The following CLIP4 variants were observed in gnomAD, a reference collection of about 807,000 sequenced individuals.
CLIP4 encodes the protein CAP-Gly domain-containing linker protein 4.
Under a neutral mutation model 73.1 loss-of-function variants are expected in CLIP4, and 47 were observed. The observed-to-expected ratio is 0.64, with a 90% confidence interval of 0.51 to 0.82. The LOEUF (loss-of-function observed/expected upper bound fraction) is 0.82. CLIP4 is among the 40% of genes least tolerant of loss of function. The probability of loss-of-function intolerance (pLI) is 0.00; values close to 1 mark genes in which losing one functional copy is unlikely to be tolerated. For synonymous variants in CLIP4, 306 were observed against 295.4 expected (o/e 1.04, Z -0.37); for missense variants, 874 against 852.9 (o/e 1.02, Z -0.31).
intron 2 of CLIP4, among the ~76,000 whole-genome samples, chr2:29,127,640 G>C (rs1037848243): frequency 6.6e-6 from 1 of 152,052 alleles, no homozygotes; most frequent in Non-Finnish European, 1.5e-5. Context: ...GCAGCCTCAT[G>C]AATCCATTGG....
chr2:29,141,105 A>C (rs1244179225), intron 6 of CLIP4, among the ~76,000 whole-genome samples: 1 of 152,042 alleles, frequency 6.6e-6, no homozygotes, highest in Non-Finnish European at 1.5e-5. Context: ...ATTCTGGAGC[A>C]AGTTTTCTAG....
chr2:29,116,415 G>A (rs760135338), intron 1 of CLIP4, among the ~76,000 whole-genome samples: 1 of 152,188 alleles, frequency 6.6e-6, no homozygotes, highest in African/African-American at 2.4e-5. Context: ...CGTTCATATT[G>A]TAGCACCATC....
At chr2:29,129,082 T>C (rs1387349481) in intron 2 of CLIP4, among the ~76,000 whole-genome samples, 1 of 152,166 alleles carries the variant, frequency 6.6e-6, no homozygotes, top group Non-Finnish European at 1.5e-5. Context: ...CTTACGAAAA[T>C]TTCATGAGAC....
At chr2:29,142,399 A>T (rs949703046) in intron 6 of CLIP4, among the ~76,000 whole-genome samples, 1 of 152,144 alleles carries the variant, frequency 6.6e-6, no homozygotes, top group Non-Finnish European at 1.5e-5. Context: ...GATATAACAA[A>T]AGTCCAAAGT....
intron 2 of CLIP4, chr2:29,131,007 G>C (rs576013748): frequency 3.0e-6 from 3 of 995,850 alleles, no homozygotes; most frequent in Non-Finnish European, 4.0e-6. Flanking sequence ...GTATTATTTA[G>C]TCTGAGCTTT....
chr2:29,174,758 C>CATTA, intron 15 of CLIP4: 5 of 764,160 alleles, frequency 6.5e-6, no homozygotes, highest in Non-Finnish European at 8.1e-6. Context: ...TTTAAACTCT[C>CATTA]CTTAAGTAAT....
chr2:29,149,718 C>T (rs1666418018), intron 8 of CLIP4, among the ~76,000 whole-genome samples: 1 of 93,630 alleles, frequency 1.1e-5, no homozygotes, highest in Admixed American at 1.4e-4. Context: ...CTCTGAAATG[C>T]TTTGGCTAAT....
Position 29,116,392 on chromosome 2 carries a change from A to C in CLIP4, c.-16+727A>C, listed in dbSNP as rs180834422. ...GGACAATAACTTGCTGTATGTTCTG[A>C]GATACTAGACTGCGTTCATATTGTA... On this transcript the variant is annotated intron_variant, in intron 1 of 15. Transcript: ENST00000320081. Among the ~76,000 whole-genome samples, 27 of 152,352 alleles carry C rather than the reference A, an allele frequency of 1.8e-4. No homozygotes were observed. The East Asian group carries it at 5.2e-3, about 29-fold the overall frequency.
chr2:29,101,476 G>C (rs1023742038), intron 1 of CLIP4, among the ~76,000 whole-genome samples: 7 of 152,036 alleles, frequency 4.6e-5, no homozygotes, highest in African/African-American at 1.4e-4. Flanking sequence ...GGGAATGATG[G>C]AGCCCAGAAA....
Position 29,164,223 on chromosome 2 carries a change from T to A in CLIP4, c.1658+269T>A, listed in dbSNP as rs114046458. On this transcript the variant is annotated intron_variant, in intron 13 of 15. Coordinates refer to ENST00000320081, the MANE Select transcript of CLIP4 (RefSeq NM_024692.6). Reference sequence around the variant, plus strand: ...ATTAGAAGTGGCGTTTGCAGCTAAGTACAGTGAGAGCAGCAAGCTTAATCT... The same window carrying A: ...ATTAGAAGTGGCGTTTGCAGCTAAGAACAGTGAGAGCAGCAAGCTTAATCT... 6.4e-3 allele frequency among the ~76,000 whole-genome samples: 972 copies of A among 152,304 alleles called. 12 individuals are homozygous for A. Among genetic ancestry groups the A allele is most frequent in the African/African-American group, 0.022 (917 of 41,564 alleles).
intron 1 of CLIP4, among the ~76,000 whole-genome samples, chr2:29,117,221 C>T (rs142178728): frequency 5.9e-5 from 9 of 152,302 alleles, no homozygotes; most frequent in African/African-American, 2.2e-4. Context: ...TTTTGCATTA[C>T]CCAATATGGT....
chr2:29,168,512 CTTTTTTTTTTTTTTT>C (rs35201336), intron 14 of CLIP4, among the ~76,000 whole-genome samples: 2 of 66,760 alleles, frequency 3.0e-5, no homozygotes, highest in African/African-American at 1.3e-4. Context: ...ATGGTTTGCC[CTTTTTTTTTTTTTTT>C]TTTTTTTTTT....
chr2:29,149,883 A>G (rs1296498295), intron 8 of CLIP4, among the ~76,000 whole-genome samples: 1 of 152,190 alleles, frequency 6.6e-6, no homozygotes, highest in East Asian at 1.9e-4. Context: ...TAGAAAATAT[A>G]TTTATTATTG....
At chr2:29,103,889 T>C (rs573888421) in intron 1 of CLIP4, among the ~76,000 whole-genome samples, 2 of 152,006 alleles carry the variant, frequency 1.3e-5, no homozygotes, top group Non-Finnish European at 2.9e-5. Context: ...AATTTTTTTT[T>C]TATTTTTAGT....
Position 29,160,424 on chromosome 2 carries a change from A to T in CLIP4, c.1491A>T (p.Arg497Ser). 6 of 1,614,168 alleles carry T rather than the reference A, an allele frequency of 3.7e-6. No homozygotes were observed. The highest frequency in any genetic ancestry group is 5.1e-6 in the Non-Finnish European group (6 of 1,180,016). The change falls in exon 12 of 16, where the codon AGA (arginine) becomes AGT (serine). Residue 497 changes from arginine to serine, a missense_variant. Coordinates refer to ENST00000320081, the MANE Select transcript of CLIP4 (RefSeq NM_024692.6). ...AGAGAGTGTTAGTGGTAGGACAGAG[A>T]CTGGGCACCATTAGGTTCTTTGGGA... ...LGERVLVVGQ[R>S]LGTIRFFGTT... is the part of the protein sequence containing the mutation.
chr2:29,099,777 G>T (rs1438105736), intron 1 of CLIP4, among the ~76,000 whole-genome samples: 1 of 152,166 alleles, frequency 6.6e-6, no homozygotes, highest in Non-Finnish European at 1.5e-5. Flanking sequence ...TACAGATCAC[G>T]CTGGGAAGAA....
chr2:29,143,582 CA>C, intron 6 of CLIP4, 126 bp from the exon 7 acceptor site: 2 of 697,800 alleles, frequency 2.9e-6, no homozygotes, highest in Non-Finnish European at 5.0e-6. Context: ...TGTAGGCGTT[CA>C]GGAAATGTTT....
chr2:29,111,009 T>C (rs1396049992), upstream of CLIP4, among the ~76,000 whole-genome samples: 1 of 152,144 alleles, frequency 6.6e-6, no homozygotes, highest in Non-Finnish European at 1.5e-5. Context: ...ATAGACTGAA[T>C]AAGGTCACCT....
chr2:29,149,410 C>CTT lies in CLIP4; in HGVS notation c.1022-3262_1022-3261dup, dbSNP rs71403647. Among the ~76,000 whole-genome samples, 794 of 138,254 alleles carry CTT rather than the reference C, an allele frequency of 5.7e-3. 4 individuals are homozygous for CTT. Among genetic ancestry groups the CTT allele is most frequent in the African/African-American group, 0.017 (640 of 37,428 alleles). The allele number at this position is 138,254 out of a possible 152,430, so 90.7% of individuals were successfully genotyped here. A position where few individuals can be genotyped will look rare whatever the true frequency, so the allele number is the denominator to read the frequency against. ...AGCGTTTAGTATTTTTTCTCCTTTTCTTTTTTTTTTTTTTCTTTAGAGTTC... is the reference window on the plus strand; with the variant it reads ...AGCGTTTAGTATTTTTTCTCCTTTTCTTTTTTTTTTTTTTTTCTTTAGAGTTC... On this transcript the variant is annotated intron_variant, in intron 8 of 15. Transcript: ENST00000320081.
Sources: gnomAD v4.1 joint callset for allele counts (sites outside exome capture counted in the v4.1 genomes callset) on GRCh38, gnomAD v4.1.1 for gene constraint, MANE v1.5 for transcripts, NCBI Gene and HGNC (gene_info 2026-07-23, HGNC 2026-07-21) for gene names.